TRIM55: variants seen among roughly 807,000 people sequenced by gnomAD.
TRIM55 encodes tripartite motif-containing protein 55.
Under a neutral mutation model 60.9 loss-of-function variants are expected in TRIM55, and 50 were observed. The observed-to-expected ratio is 0.82, with a 90% confidence interval of 0.65 to 1.04. The LOEUF (loss-of-function observed/expected upper bound fraction) is 1.04, where lower values mean the gene tolerates loss of function less well. Among genes scored for constraint, TRIM55 ranks in the 50% least tolerant of loss-of-function variants. The pLI, the probability that TRIM55 is intolerant of heterozygous loss-of-function variation, is 0.00. For missense variants in TRIM55, 681 were observed against 666.9 expected (o/e 1.02, Z -0.23); for synonymous variants, 237 against 238.1 (o/e 1.00, Z 0.04).
Position 66,141,017 on chromosome 8 carries a change from CT to C in TRIM55, c.603+3830del, listed in dbSNP as rs1328918667. 2.0e-5 allele frequency among the ~76,000 whole-genome samples: 3 copies of C among 152,264 alleles called. No individual in the cohort carries two copies. The East Asian group carries it at 5.8e-4, about 29-fold the overall frequency. ...GGGCACTGACACCTGCCCCAGAGCC[CT>C]TTGGTGGCTGTGCTTTCCTTGCACA... On this transcript the variant is annotated intron_variant, in intron 4 of 9. Coordinates refer to ENST00000315962, the MANE Select transcript of TRIM55 (RefSeq NM_184085.2).
chr8:66,152,282 C>T, intron 7 of TRIM55, 95 bp from the exon 8 acceptor site: 2 of 1,466,820 alleles, frequency 1.4e-6, no homozygotes, highest in Non-Finnish European at 9.0e-7. Flanking sequence ...ACTCCCCAGC[C>T]TTGACCTTAA....
chr8:66,114,197 A>G, the TRIM55 span, among the ~76,000 whole-genome samples: 3 of 150,844 alleles, frequency 2.0e-5, no homozygotes, highest in Non-Finnish European at 4.4e-5. Context: ...GTGGGGGATT[A>G]GCTCAAATGG....
At chr8:66,162,487 T>G (rs183527687) in intron 9 of TRIM55, among the ~76,000 whole-genome samples, 1 of 151,880 alleles carries the variant, frequency 6.6e-6, no homozygotes, top group Non-Finnish European at 1.5e-5. Flanking sequence ...TTTTTTTTTT[T>G]GTAATGTCCT....
chr8:66,131,073 A>G (rs944922696), intron 2 of TRIM55, among the ~76,000 whole-genome samples: 2 of 152,080 alleles, frequency 1.3e-5, no homozygotes, highest in Admixed American at 6.5e-5. Flanking sequence ...TTAATATAAT[A>G]ATAATTAACT....
intron 4 of TRIM55, among the ~76,000 whole-genome samples, chr8:66,146,290 A>G (rs899181721): frequency 7.9e-5 from 12 of 151,786 alleles, no homozygotes; most frequent in Admixed American, 6.6e-5. Context: ...GTTATTTAAA[A>G]AAACAGAATA....
At position 66,127,210 on chromosome 8, in the gene TRIM55, A is replaced by G. The variant is rs1036872785; in HGVS notation, c.-59A>G. ...ATCCCTGGAATAATATCCAGGAAAC[A>G]CTTGCTGGAGCCACTCGCAGCACCC... On this transcript the variant is annotated 5_prime_UTR_variant, in exon 1 of 10. Coordinates refer to ENST00000315962, the MANE Select transcript of TRIM55 (RefSeq NM_184085.2). 6.6e-7 allele frequency: 1 copy of G among 1,524,108 alleles called. No individual in the cohort carries two copies. The highest frequency in any genetic ancestry group is 1.8e-5 in the Admixed American group (1 of 55,052). The allele number at this position is 1,524,108 out of a possible 1,614,324, so 94.4% of individuals were successfully genotyped here.
At chr8:66,120,587 A>G in the TRIM55 span, among the ~76,000 whole-genome samples, 1 of 152,134 alleles carries the variant, frequency 6.6e-6, no homozygotes, top group East Asian at 1.9e-4. Context: ...AAACCCCCAT[A>G]AGAACTCTGG....
intron 2 of TRIM55, among the ~76,000 whole-genome samples, chr8:66,131,386 G>T (rs190480850): frequency 6.6e-6 from 1 of 152,192 alleles, no homozygotes; most frequent in East Asian, 1.9e-4. Flanking sequence ...CTGTTTTTCT[G>T]CTATTTATCA....
chr8:66,129,679 A>G (rs910064345), intron 2 of TRIM55, among the ~76,000 whole-genome samples: 4 of 152,206 alleles, frequency 2.6e-5, no homozygotes, highest in Non-Finnish European at 1.5e-5. Context: ...ATCTCATTGT[A>G]TTTCACTACT....
upstream of TRIM55, among the ~76,000 whole-genome samples, chr8:66,123,578 G>C (rs1271092999): frequency 6.6e-6 from 1 of 152,182 alleles, no homozygotes; most frequent in African/African-American, 2.4e-5. Context: ...GAGAGAGAAA[G>C]GAAGATAGAG....
intron 9 of TRIM55, among the ~76,000 whole-genome samples, chr8:66,165,183 T>C (rs1489137394): frequency 1.3e-5 from 2 of 152,154 alleles, no homozygotes; most frequent in South Asian, 2.1e-4. Context: ...GGATGGACAA[T>C]GGGCCAAAGT....
chr8:66,142,618 G>T (rs1038489550), intron 4 of TRIM55, among the ~76,000 whole-genome samples: 1 of 152,222 alleles, frequency 6.6e-6, no homozygotes, highest in African/African-American at 2.4e-5. Flanking sequence ...AGAACCCCAA[G>T]AGTAAGTGTT....
intron 5 of TRIM55, 105 bp downstream of exon 5, chr8:66,149,983 T>C: frequency 9.5e-7 from 1 of 1,049,648 alleles, no homozygotes; most frequent in Non-Finnish European, 1.4e-6. Context: ...TTATTTATTT[T>C]ACCAACTAAA....
intron 4 of TRIM55, among the ~76,000 whole-genome samples, 162 bp downstream of exon 4, chr8:66,137,352 A>C (rs1362642838): frequency 2.0e-5 from 3 of 152,230 alleles, no homozygotes; most frequent in Non-Finnish European, 2.9e-5. Context: ...CCTCCTGCAC[A>C]GAAAGAGACA....
At chr8:66,153,907 A>T (rs189950273) in intron 8 of TRIM55, 140 bp from the exon 9 acceptor site, 1 of 758,774 alleles carries the variant, frequency 1.3e-6, no homozygotes, top group East Asian at 2.7e-5. Flanking sequence ...GGAGGGTGGG[A>T]TGAACTAAAA....
intron 9 of TRIM55, among the ~76,000 whole-genome samples, chr8:66,154,972 T>G (rs886916858): frequency 3.3e-5 from 5 of 152,206 alleles, no homozygotes; most frequent in African/African-American, 9.6e-5. Context: ...GAGTTTGAAG[T>G]CCATGTCTTC....
At chr8:66,146,141 G>A (rs1268020703) in intron 4 of TRIM55, among the ~76,000 whole-genome samples, 1 of 152,080 alleles carries the variant, frequency 6.6e-6, no homozygotes, top group African/African-American at 2.4e-5. Context: ...ACCAATATAT[G>A]CCAGGTAATA....
intron 9 of TRIM55, among the ~76,000 whole-genome samples, chr8:66,171,987 G>A (rs1198470220): frequency 6.6e-6 from 1 of 151,838 alleles, no homozygotes; most frequent in Non-Finnish European, 1.5e-5. Context: ...ATTGTATATG[G>A]TTTGTCATAA....
At chr8:66,132,253 C>T (rs1809203925) in intron 2 of TRIM55, among the ~76,000 whole-genome samples, 1 of 152,118 alleles carries the variant, frequency 6.6e-6, no homozygotes, top group African/African-American at 2.4e-5. Context: ...GAGTTTGAGA[C>T]CAGCCTGACC....
Sources: gnomAD v4.1 joint callset for allele counts (sites outside exome capture counted in the v4.1 genomes callset) on GRCh38, gnomAD v4.1.1 for gene constraint, MANE v1.5 for transcripts, NCBI Gene and HGNC (gene_info 2026-07-23, HGNC 2026-07-21) for gene names.